ABHD13: variants seen among roughly 807,000 people sequenced by gnomAD.
The protein encoded by ABHD13 is protein ABHD13.
A neutral mutation model predicts 25.2 loss-of-function variants in ABHD13; 7 were observed. The observed-to-expected ratio is 0.28, with a 90% confidence interval of 0.16 to 0.52. The LOEUF is 0.52. Ranked by LOEUF, ABHD13 falls within the 20% of genes least tolerant of loss-of-function variation. The pLI is 0.96. For synonymous variants in ABHD13, 133 were observed against 136.1 expected (o/e 0.98, Z 0.16); for missense variants, 302 against 402.7 (o/e 0.75, Z 2.14).
In ABHD13 at chr13:108,232,193, G is replaced by A. The variant is rs368090544; in HGVS notation, c.*1961G>A. The A allele has an allele frequency of 1.8e-5, 3 of 166,704 alleles. No individual in the cohort carries two copies. The highest frequency in any genetic ancestry group is 7.2e-5 in the African/African-American group (3 of 41,400). 10.3% of individuals were successfully genotyped at this position (166,704 alleles called of 1,614,324 possible). A position where few individuals can be genotyped will look rare whatever the true frequency, so the allele number is the denominator to read the frequency against. ...CTTTAGTTCTAAATATGCTCATGAG[G>A]TATAAAAGCTATTTCTTCATCAGTA... is the stretch of plus-strand genomic sequence containing the variant. On this transcript the variant is annotated 3_prime_UTR_variant, in exon 2 of 2. Transcript: ENST00000375898.
In ABHD13 at chr13:108,230,133, A is replaced by G. The variant is rs1462216340; in HGVS notation, c.915A>G (p.Gln305=). 3 of 1,613,118 alleles carry G rather than the reference A, an allele frequency of 1.9e-6. No homozygotes were observed. Among genetic ancestry groups the G allele is most frequent in the East Asian group, 2.2e-5 (1 of 44,864 alleles). Residue 305 remains glutamine (Q), a synonymous_variant, in exon 2 of 2, where the codon CAA becomes CAG. Coordinates refer to ENST00000375898, the MANE Select transcript of ABHD13 (RefSeq NM_032859.3). ...CTCACAATGACACATGGCAGTGCCA[A>G]GGCTATTTCACTGCACTTGAACAGT... ...DGTHNDTWQC[Q]GYFTALEQFI...
intron 1 of ABHD13, among the ~76,000 whole-genome samples, 176 bp downstream of exon 1, chr13:108,218,835 G>T (rs1281398068): frequency 6.6e-6 from 1 of 151,952 alleles, no homozygotes; most frequent in African/African-American, 2.4e-5. Flanking sequence ...GGGGCCGAGC[G>T]CCGGGGGTTG....
At chr13:108,221,932 G>A (rs2084832223) in intron 1 of ABHD13, among the ~76,000 whole-genome samples, 1 of 151,972 alleles carries the variant, frequency 6.6e-6, no homozygotes, top group African/African-American at 2.4e-5. Flanking sequence ...TCGACTCCTG[G>A]GTTCAAGTGA....
intron 1 of ABHD13, among the ~76,000 whole-genome samples, chr13:108,221,501 A>T (rs73607377): frequency 0.15 from 22,623 of 152,122 alleles, 1,808 homozygotes; most frequent in Admixed American, 0.18. Context: ...CTCTGCTGGG[A>T]TGTGGATGTC....
chr13:108,223,325 AG>A (rs1320522522), intron 1 of ABHD13, among the ~76,000 whole-genome samples: 6 of 152,212 alleles, frequency 3.9e-5, no homozygotes, highest in African/African-American at 1.4e-4. Flanking sequence ...ATAGTTTGTC[AG>A]TTGTCTTTTT....
intron 1 of ABHD13, among the ~76,000 whole-genome samples, chr13:108,222,525 C>T (rs1020029264): frequency 4.6e-5 from 7 of 151,960 alleles, no homozygotes; most frequent in East Asian, 3.8e-4. Flanking sequence ...AGTATGGAAC[C>T]GTGGTTCTCA....
chr13:108,222,885 C>T lies in ABHD13; in HGVS notation c.-21+4226C>T, dbSNP rs553761503. On this transcript the variant is annotated intron_variant, in intron 1 of 1. Transcript: ENST00000375898. ...TAGAAGACAGGCAGATTATTAGGCTCTTAAAGTGAAACATGAAGAAAGTCA... is the reference window on the plus strand; with the variant it reads ...TAGAAGACAGGCAGATTATTAGGCTTTTAAAGTGAAACATGAAGAAAGTCA... Among the ~76,000 whole-genome samples the T allele has an allele frequency of 2.6e-5, 4 of 152,328 alleles. No individual in the cohort carries two copies. The South Asian group carries it at 8.3e-4, about 32-fold the overall frequency.
At chr13:108,225,358 G>A (rs148230343) in intron 1 of ABHD13, among the ~76,000 whole-genome samples, 86 of 152,180 alleles carry the variant, frequency 5.7e-4, no homozygotes, top group Middle Eastern at 3.4e-3. Flanking sequence ...GCCATGAAAA[G>A]GAATGAAATC....
At position 108,232,084 on chromosome 13, in the gene ABHD13, T is replaced by C. The variant is rs989492202; in HGVS notation, c.*1852T>C. On this transcript the variant is annotated 3_prime_UTR_variant, in exon 2 of 2. Transcript: ENST00000375898. ...ACACGAGCTTACATGGCATACCTTA[T>C]ATTTGTATCATTCTTTAAAGTTTAC... 1.8e-5 allele frequency: 3 copies of C among 166,380 alleles called. No individual in the cohort carries two copies. The highest frequency in any genetic ancestry group is 4.4e-5 in the Non-Finnish European group (3 of 67,964). 10.3% of individuals were successfully genotyped at this position (166,380 alleles called of 1,614,324 possible). A position where few individuals can be genotyped will look rare whatever the true frequency, so the allele number is the denominator to read the frequency against.
Position 108,230,885 on chromosome 13 carries a change from C to G in ABHD13, c.*653C>G. ...AATGCTGAGATCCAGCTTTTTCTTACAAATAAATGGGACCCTGTTTTCCAA... is the reference window on the plus strand; with the variant it reads ...AATGCTGAGATCCAGCTTTTTCTTAGAAATAAATGGGACCCTGTTTTCCAA... On this transcript the variant is annotated 3_prime_UTR_variant, in exon 2 of 2. Coordinates refer to ENST00000375898, the MANE Select transcript of ABHD13 (RefSeq NM_032859.3). The G allele has an allele frequency of 6.0e-6, 1 of 166,788 alleles. No individual in the cohort carries two copies. Among genetic ancestry groups the G allele is most frequent in the East Asian group, 1.9e-4 (1 of 5,200 alleles). 10.3% of individuals were successfully genotyped at this position (166,788 alleles called of 1,614,324 possible). A position where few individuals can be genotyped will look rare whatever the true frequency, so the allele number is the denominator to read the frequency against.
chr13:108,219,306 G>A (rs1879488826), intron 1 of ABHD13, among the ~76,000 whole-genome samples: 2 of 152,098 alleles, frequency 1.3e-5, no homozygotes, highest in Non-Finnish European at 2.9e-5. Flanking sequence ...TGAATTACTA[G>A]TATTACTACC....
At position 108,218,452 on chromosome 13, in the gene ABHD13, CG is replaced by C. The variant is rs1879436136; in HGVS notation, c.-223del. 6.6e-6 allele frequency: 1 copy of C among 152,096 alleles called. No homozygotes were observed. The highest frequency in any genetic ancestry group is 2.4e-5 in the African/African-American group (1 of 41,410). 9.4% of individuals were successfully genotyped at this position (152,096 alleles called of 1,614,324 possible). A position where few individuals can be genotyped will look rare whatever the true frequency, so the allele number is the denominator to read the frequency against. On this transcript the variant is annotated 5_prime_UTR_variant, in exon 1 of 2. The change creates a premature stop within an existing upstream ORF in the 5' untranslated region. Coordinates refer to ENST00000375898, the MANE Select transcript of ABHD13 (RefSeq NM_032859.3). ...GGAGAACAGGTTATGTGGGAGCCGG[CG>C]GGGGCATTTGCCGGCGACACCCGAG...
At chr13:108,221,244 A>T (rs1879561705) in intron 1 of ABHD13, among the ~76,000 whole-genome samples, 1 of 152,240 alleles carries the variant, frequency 6.6e-6, no homozygotes, top group Non-Finnish European at 1.5e-5. Context: ...TATTGATGGC[A>T]TGTGGGTAAC....
chr13:108,227,519 A>G (rs1282307435), intron 1 of ABHD13, among the ~76,000 whole-genome samples: 12 of 152,086 alleles, frequency 7.9e-5, no homozygotes, highest in Admixed American at 7.9e-4. Flanking sequence ...ATAAATGTAA[A>G]TATAAGATTC....
intron 1 of ABHD13, among the ~76,000 whole-genome samples, chr13:108,223,976 A>G (rs1276442922): frequency 6.6e-6 from 1 of 152,244 alleles, no homozygotes; most frequent in Non-Finnish European, 1.5e-5. Context: ...ATGGAAAGTA[A>G]TAGAGATTCT....
At chr13:108,226,184 GT>G (rs200289016) in intron 1 of ABHD13, among the ~76,000 whole-genome samples, 4,845 of 152,252 alleles carry the variant, frequency 0.032, 93 homozygotes, top group Middle Eastern at 0.061. Context: ...ACATGTCAGT[GT>G]TAGGTATATT....
At chr13:108,222,147 C>T (rs901789581) in intron 1 of ABHD13, among the ~76,000 whole-genome samples, 1 of 152,058 alleles carries the variant, frequency 6.6e-6, no homozygotes, top group Non-Finnish European at 1.5e-5. Flanking sequence ...GCCCAATGTA[C>T]ACTTTTTAAT....
Position 108,230,321 on chromosome 13 carries a change from G to C in ABHD13, c.*89G>C. 8.9e-7 allele frequency: 1 copy of C among 1,127,490 alleles called. No homozygotes were observed. Among genetic ancestry groups the C allele is most frequent in the South Asian group, 1.8e-5 (1 of 56,258 alleles). The allele number at this position is 1,127,490 out of a possible 1,614,324, so 69.8% of individuals were successfully genotyped here. A position where few individuals can be genotyped will look rare whatever the true frequency, so the allele number is the denominator to read the frequency against. ...TTAGAAGTGTGTTATGTCTGTACCT[G>C]TCTGAAGAGTGACATTAAACTTTGA... On this transcript the variant is annotated 3_prime_UTR_variant, in exon 2 of 2. Coordinates refer to ENST00000375898, the MANE Select transcript of ABHD13 (RefSeq NM_032859.3).
rs748512486 is a variant in ABHD13, at chr13:108,229,738, G to A, written c.520G>A (p.Asp174Asn). The A allele has an allele frequency of 1.9e-6, 3 of 1,613,376 alleles. No homozygotes were observed. The highest frequency in any genetic ancestry group is 8.5e-7 in the Non-Finnish European group (1 of 1,179,504). ...CTACTTAGATTCTGAAGCTGTGTTA[G>A]ACTACGTGATGACTAGACCTGACCT... ...GLYLDSEAVL[D>N]YVMTRPDLDK... Residue 174 changes from aspartate (D) to asparagine (N), a missense_variant, in exon 2 of 2, where the codon GAC (aspartate) becomes AAC (asparagine). Asp to Asn is a conservative substitution (Grantham distance 23). Transcript: ENST00000375898. The surrounding 1 kb of genome is among the most constrained non-coding windows in gnomAD (Gnocchi z 4.7).
Sources: allele counts gnomAD v4.1 joint callset (sites outside exome capture counted in the v4.1 genomes callset), GRCh38; gene constraint gnomAD v4.1.1; non-coding constraint Gnocchi (gnomAD v3.1); transcripts MANE v1.5; gene names NCBI Gene and HGNC (gene_info 2026-07-23, HGNC 2026-07-21).